The following SORCS1 variants were observed in gnomAD, a reference collection of about 807,000 sequenced individuals.
The protein encoded by SORCS1 is sortilin related VPS10 domain containing receptor 1, also known as VPS10 domain-containing receptor SorCS1.
SORCS1 carries 60 observed loss-of-function variants against 146.1 expected under a neutral mutation model. The observed-to-expected ratio is 0.41, with a 90% CI of 0.33 to 0.51. SORCS1 has a LOEUF of 0.51. SORCS1 is among the 20% of genes least tolerant of loss of function. The pLI is 0.21. For synonymous variants in SORCS1, 637 were observed against 584.0 expected, an observed-to-expected ratio of 1.09 and a Z score of -1.31; for missense variants, 1,352 against 1,487.6, an observed-to-expected ratio of 0.91 and a Z score of 1.50.
At chr10:106,911,981 C>A (rs142353164) in intron 2 of SORCS1, among the ~76,000 whole-genome samples, 1 of 151,896 alleles carries the variant, frequency 6.6e-6, no homozygotes, top group South Asian at 2.1e-4. Flanking sequence ...GGTGTTGTGG[C>A]GGGCATCTGT....
In SORCS1 at chr10:107,131,231, T is replaced by A. The variant is rs1245290403; in HGVS notation, c.558+32738A>T. On this transcript the variant is annotated intron_variant, in intron 1 of 25. Coordinates refer to ENST00000263054, the MANE Select transcript of SORCS1 (RefSeq NM_052918.5). ...GTTGACACAGACATTATTATTGGCA[T>A]GTCCTCTTCCCAGGTCTCTGACTTA... Among the ~76,000 whole-genome samples, 6 of 152,234 alleles carry A rather than the reference T, an allele frequency of 3.9e-5. No individual in the cohort carries two copies. In the East Asian group the frequency reaches 1.2e-3, roughly 29 times the overall value.
intron 3 of SORCS1, among the ~76,000 whole-genome samples, chr10:106,778,782 C>T (rs2136392119): frequency 6.6e-6 from 1 of 152,226 alleles, no homozygotes; most frequent in East Asian, 1.9e-4. Context: ...ATTCCCTTCC[C>T]CACTCTGATT....
chr10:106,596,678 T>A (rs1198810199), intron 24 of SORCS1, among the ~76,000 whole-genome samples: 1 of 152,200 alleles, frequency 6.6e-6, no homozygotes, highest in Non-Finnish European at 1.5e-5. Flanking sequence ...TGCGTTACAT[T>A]ATCCTGAAAC....
chr10:106,980,325 T>C (rs929867869), intron 1 of SORCS1, among the ~76,000 whole-genome samples: 8 of 152,230 alleles, frequency 5.3e-5, no homozygotes, highest in Non-Finnish European at 7.3e-5. Context: ...TATAAACATT[T>C]ATTCTACCAC....
intron 6 of SORCS1, among the ~76,000 whole-genome samples, chr10:106,725,773 A>T (rs1013888684): frequency 6.6e-6 from 1 of 151,146 alleles, no homozygotes; most frequent in South Asian, 2.1e-4. Flanking sequence ...TCTACCAAAA[A>T]TACAAAAATT....
At chr10:106,804,641 A>T (rs1377848082) in intron 3 of SORCS1, among the ~76,000 whole-genome samples, 2 of 152,194 alleles carry the variant, frequency 1.3e-5, no homozygotes, top group African/African-American at 4.8e-5. Flanking sequence ...CGAGAATGTA[A>T]TCTAATTTTG....
intron 1 of SORCS1, among the ~76,000 whole-genome samples, chr10:107,028,154 A>G (rs534044972): frequency 6.6e-6 from 1 of 152,340 alleles, no homozygotes; most frequent in South Asian, 2.1e-4. Context: ...AACTTCTGCC[A>G]GGTAAATCAG....
intron 3 of SORCS1, among the ~76,000 whole-genome samples, chr10:106,777,104 G>T (rs1860497361): frequency 6.6e-6 from 1 of 152,146 alleles, no homozygotes; most frequent in African/African-American, 2.4e-5. Flanking sequence ...AAGAGAAAGA[G>T]GATGGAGTCC....
intron 1 of SORCS1, among the ~76,000 whole-genome samples, chr10:107,153,419 G>C (rs1330289582): frequency 6.6e-6 from 1 of 152,202 alleles, no homozygotes; most frequent in Non-Finnish European, 1.5e-5. Flanking sequence ...AATAAAGACA[G>C]AGATTGAGAT....
In SORCS1 at chr10:106,654,247, C is replaced by A. The variant is rs541830241; in HGVS notation, c.2304-1694G>T. Among the ~76,000 whole-genome samples, 8 of 152,286 alleles carry A rather than the reference C, an allele frequency of 5.3e-5. No individual in the cohort carries two copies. The East Asian group carries it at 1.4e-3, about 26-fold the overall frequency. On this transcript the variant is annotated intron_variant, in intron 17 of 25. Coordinates refer to ENST00000263054, the MANE Select transcript of SORCS1 (RefSeq NM_052918.5). ...GCTAAGTTCTTTACATAAATTAACT[C>A]ATTTATCTTCAGAAGTATCCATAAT...
intron 12 of SORCS1, 58 bp downstream of exon 12, chr10:106,679,198 G>A (rs1205251099): frequency 7.2e-7 from 1 of 1,395,416 alleles, no homozygotes; most frequent in East Asian, 2.3e-5. Context: ...TTTGAACCAA[G>A]CTGGGCAATT....
At chr10:106,850,660 G>A (rs1033233399) in intron 2 of SORCS1, among the ~76,000 whole-genome samples, 3 of 152,140 alleles carry the variant, frequency 2.0e-5, no homozygotes, top group Non-Finnish European at 2.9e-5. Context: ...AGACACCCAA[G>A]AGCCTCTATT....
At chr10:106,693,207 G>A (rs1272906802) in intron 9 of SORCS1, among the ~76,000 whole-genome samples, 1 of 152,196 alleles carries the variant, frequency 6.6e-6, no homozygotes, top group Non-Finnish European at 1.5e-5. Context: ...TACTCAACCT[G>A]TACATGAAAG....
At chr10:106,631,307 C>T (rs767863556) in intron 18 of SORCS1, among the ~76,000 whole-genome samples, 2 of 152,202 alleles carry the variant, frequency 1.3e-5, no homozygotes, top group Non-Finnish European at 2.9e-5. Flanking sequence ...AAAGCCCAGA[C>T]ATTGTGCACT....
chr10:106,746,472 A>G (rs1267193927), intron 5 of SORCS1, among the ~76,000 whole-genome samples: 2 of 152,250 alleles, frequency 1.3e-5, no homozygotes, highest in Non-Finnish European at 2.9e-5. Flanking sequence ...AGTCAGCCTC[A>G]TCACATGGAA....
chr10:106,654,571 T>G (rs1190996956), intron 17 of SORCS1, among the ~76,000 whole-genome samples: 2 of 152,210 alleles, frequency 1.3e-5, no homozygotes, highest in Non-Finnish European at 2.9e-5. Flanking sequence ...TATTCAAAGC[T>G]GGTAATCAGG....
At position 107,024,351 on chromosome 10, in the gene SORCS1, G is replaced by C. The variant is rs201295071; in HGVS notation, c.559-67771C>G. Reference sequence around the variant, plus strand: ...CCATGGCAAGAGAGGGGGTGAGAGAGTGAGAAGAGAGTTACCAGGCTCTTT... The same window carrying C: ...CCATGGCAAGAGAGGGGGTGAGAGACTGAGAAGAGAGTTACCAGGCTCTTT... On this transcript the variant is annotated intron_variant, in intron 1 of 25. Transcript: ENST00000263054. Among the ~76,000 whole-genome samples the C allele has an allele frequency of 3.2e-4, 48 of 152,158 alleles. 1 individual carries two copies. In the East Asian group the frequency reaches 8.1e-3, roughly 26 times the overall value.
intron 8 of SORCS1, among the ~76,000 whole-genome samples, chr10:106,704,051 G>T (rs1194879694): frequency 6.6e-6 from 1 of 152,174 alleles, no homozygotes; most frequent in African/African-American, 2.4e-5. Flanking sequence ...ATATTGGCTA[G>T]ATGCCACTGC....
intron 1 of SORCS1, among the ~76,000 whole-genome samples, chr10:107,092,123 A>G (rs1964226628): frequency 6.6e-6 from 1 of 152,244 alleles, no homozygotes; most frequent in Non-Finnish European, 1.5e-5. Context: ...AAATGTGGTA[A>G]AGCAGGTACA....
Sources: allele counts gnomAD v4.1 joint callset (sites outside exome capture counted in the v4.1 genomes callset), GRCh38; gene constraint gnomAD v4.1.1; transcripts MANE v1.5; gene names NCBI Gene and HGNC (gene_info 2026-07-23, HGNC 2026-07-21).